Variants in CDC73 observed in about 807,000 individuals in gnomAD.
CDC73 encodes the protein parafibromin.
In CDC73, 21 loss-of-function variants were observed where a neutral mutation model predicts 83.7. The ratio of observed to expected loss-of-function variants is 0.25; its 90% CI spans 0.18 to 0.36. CDC73 has a LOEUF of 0.36. CDC73 is among the 10% of genes least tolerant of loss of function. The probability of loss-of-function intolerance (pLI) is 1.00; values close to 1 mark genes in which losing one functional copy is unlikely to be tolerated. For synonymous variants in CDC73, 224 were observed against 212.9 expected (o/e 1.05, Z -0.45); for missense variants, 342 against 653.3 (o/e 0.52, Z 5.19).
intron 1 of CDC73, 122 bp from the exon 2 acceptor site, chr1:193,124,990 C>G (rs933261259): frequency 2.9e-6 from 2 of 684,678 alleles, no homozygotes; most frequent in East Asian, 5.5e-5. Flanking sequence ...AGATTTTATA[C>G]TTTTTTTTTG....
chr1:193,211,842 G>A (rs1436475147), intron 11 of CDC73, among the ~76,000 whole-genome samples: 1 of 152,128 alleles, frequency 6.6e-6, no homozygotes, highest in Non-Finnish European at 1.5e-5. Context: ...ACAGAACTAT[G>A]GATGTTGTAT....
intron 15 of CDC73, among the ~76,000 whole-genome samples, chr1:193,242,311 T>C (rs969899051): frequency 2.0e-5 from 3 of 152,162 alleles, no homozygotes; most frequent in Non-Finnish European, 4.4e-5. Context: ...TCTGTGTTGG[T>C]GTCAGGACCC....
At chr1:193,191,087 G>C (rs1342524393) in intron 10 of CDC73, among the ~76,000 whole-genome samples, 1 of 152,074 alleles carries the variant, frequency 6.6e-6, no homozygotes, top group African/African-American at 2.4e-5. Context: ...AAACATTGTT[G>C]GAACATAAAG....
intron 10 of CDC73, among the ~76,000 whole-genome samples, chr1:193,175,246 A>G (rs866920625): frequency 6.6e-6 from 1 of 152,190 alleles, no homozygotes; most frequent in South Asian, 2.1e-4. Context: ...GATTATGTGG[A>G]TATGAGGAAA....
intron 10 of CDC73, among the ~76,000 whole-genome samples, chr1:193,189,330 A>C (rs557919896): frequency 6.6e-6 from 1 of 152,226 alleles, no homozygotes; most frequent in Non-Finnish European, 1.5e-5. Flanking sequence ...GATGTGAGAT[A>C]AAAGTTCCTT....
chr1:193,153,846 A>G (rs546823748), intron 10 of CDC73, among the ~76,000 whole-genome samples: 1 of 152,306 alleles, frequency 6.6e-6, no homozygotes, highest in Non-Finnish European at 1.5e-5. Flanking sequence ...TAGAGAGAGA[A>G]GTCAGAGATA....
chr1:193,134,595 C>A (rs1283700661), intron 3 of CDC73, among the ~76,000 whole-genome samples: 1 of 152,032 alleles, frequency 6.6e-6, no homozygotes. Flanking sequence ...GGCGTGAACC[C>A]AGGAGGTGGA....
At chr1:193,236,872 G>C in intron 15 of CDC73, 1 of 152,722 alleles carries the variant, frequency 6.5e-6, no homozygotes, top group Non-Finnish European at 1.5e-5. Flanking sequence ...CAACAAGAGC[G>C]AAACTCCGTC....
chr1:193,250,745 A>G lies in CDC73; in HGVS notation c.*33A>G. 1.3e-6 allele frequency: 2 copies of G among 1,569,702 alleles called. No individual in the cohort carries two copies. Among genetic ancestry groups the G allele is most frequent in the Non-Finnish European group, 1.8e-6 (2 of 1,140,248 alleles). On this transcript the variant is annotated 3_prime_UTR_variant, in exon 17 of 17. Coordinates refer to ENST00000367435, the MANE Select transcript of CDC73 (RefSeq NM_024529.5). ...GGCTCCTCCATTTCTGGAAATTGAG[A>G]CTCAAGCTTTATGAATTTATCAAGA...
At chr1:193,188,505 GA>G (rs1324319532) in intron 10 of CDC73, among the ~76,000 whole-genome samples, 2 of 151,536 alleles carry the variant, frequency 1.3e-5, no homozygotes, top group Non-Finnish European at 2.9e-5. Flanking sequence ...AATAATAAAT[GA>G]ATGTTTATAT....
At chr1:193,245,095 A>T (rs995307735) in intron 15 of CDC73, among the ~76,000 whole-genome samples, 1 of 152,242 alleles carries the variant, frequency 6.6e-6, no homozygotes, top group Non-Finnish European at 1.5e-5. Flanking sequence ...TTATCAGGTT[A>T]TCATAATTAG....
intron 15 of CDC73, among the ~76,000 whole-genome samples, chr1:193,237,575 C>G (rs1413124752): frequency 6.6e-6 from 1 of 152,040 alleles, no homozygotes; most frequent in East Asian, 1.9e-4. Flanking sequence ...GGCCTTTAAT[C>G]AACTGCAGGA....
At chr1:193,162,291 A>G (rs1676347398) in intron 10 of CDC73, among the ~76,000 whole-genome samples, 2 of 126,046 alleles carry the variant, frequency 1.6e-5, no homozygotes, top group African/African-American at 6.3e-5. Flanking sequence ...TATATATGAT[A>G]TATTATATAT....
intron 15 of CDC73, among the ~76,000 whole-genome samples, chr1:193,238,611 A>G (rs1396079685): frequency 6.6e-6 from 1 of 152,188 alleles, no homozygotes; most frequent in East Asian, 1.9e-4. Context: ...AAACTCCCAT[A>G]TAACTTTTGA....
intron 5 of CDC73, among the ~76,000 whole-genome samples, chr1:193,137,304 A>T (rs1675818732): frequency 6.6e-6 from 1 of 152,226 alleles, no homozygotes; most frequent in African/African-American, 2.4e-5. Context: ...TAATAATAGG[A>T]CATGAATTGG....
chr1:193,249,637 T>C lies in CDC73; in HGVS notation c.1418-93T>C, dbSNP rs1678012146. 6 of 927,694 alleles carry C rather than the reference T, an allele frequency of 6.5e-6. No individual in the cohort carries two copies. The East Asian group carries it at 1.6e-4, about 24-fold the overall frequency. The allele number at this position is 927,694 out of a possible 1,614,324, so 57.5% of individuals were successfully genotyped here. On this transcript the variant is annotated intron_variant, in intron 15 of 16. Coordinates refer to ENST00000367435, the MANE Select transcript of CDC73 (RefSeq NM_024529.5). ...ATAATATTTTAAAAGATCACTTTAG[T>C]TATAATACGGCTTCAGTTGGTGGAA... is the stretch of plus-strand genomic sequence containing the variant.
intron 10 of CDC73, among the ~76,000 whole-genome samples, chr1:193,156,993 G>T (rs1335416030): frequency 1.3e-5 from 2 of 152,146 alleles, no homozygotes; most frequent in African/African-American, 4.8e-5. Flanking sequence ...AAGTGTTAAA[G>T]GTACGTTGTG....
At chr1:193,144,816 T>G (rs1312051407) in intron 7 of CDC73, among the ~76,000 whole-genome samples, 15 of 47,122 alleles carry the variant, frequency 3.2e-4, no homozygotes, top group Admixed American at 9.9e-4. Flanking sequence ...TTTGGCAGAC[T>G]TTTTTTTTTT....
At position 193,146,474 on chromosome 1, in the gene CDC73, G is replaced by GAAGCAAGCAAGCAAGCAAGC. The variant is rs201981048; in HGVS notation, c.730-1366_730-1347dup. On this transcript the variant is annotated intron_variant, in intron 7 of 16. Coordinates refer to ENST00000367435, the MANE Select transcript of CDC73 (RefSeq NM_024529.5). ...GAGGGTCATTTCATGGCAGAAGGCA[G>GAAGCAAGCAAGCAAGCAAGC]AAGCAAGCAAGCAAGCAAGCAAGCA... is the stretch of plus-strand genomic sequence containing the variant. Among the ~76,000 whole-genome samples the GAAGCAAGCAAGCAAGCAAGC allele has an allele frequency of 4.5e-3, 683 of 150,926 alleles. 1 individual carries two copies. Among genetic ancestry groups the GAAGCAAGCAAGCAAGCAAGC allele is most frequent in the Non-Finnish European group, 7.5e-3 (510 of 67,758 alleles).
Sources: gnomAD v4.1 joint callset for allele counts (sites outside exome capture counted in the v4.1 genomes callset) on GRCh38, gnomAD v4.1.1 for gene constraint, MANE v1.5 for transcripts, NCBI Gene and HGNC (gene_info 2026-07-23, HGNC 2026-07-21) for gene names.